R3HDM2: variants seen among roughly 807,000 people sequenced by gnomAD.
R3HDM2 encodes R3H domain-containing protein 2.
R3HDM2 carries 38 observed loss-of-function variants against 124.5 expected under a neutral mutation model. That is an observed-to-expected ratio of 0.31 (90% CI 0.24 to 0.40). The LOEUF (loss-of-function observed/expected upper bound fraction) is 0.40. Among genes scored for constraint, R3HDM2 ranks in the 10% least tolerant of loss-of-function variants. R3HDM2 has a pLI of 1.00. For synonymous variants in R3HDM2, 391 were observed against 448.0 expected, an observed-to-expected ratio of 0.87 and a Z score of 1.61; for missense variants, 869 against 1,236.9, an observed-to-expected ratio of 0.70 and a Z score of 4.46.
At chr12:57,406,303 A>G (rs2068517654) in intron 1 of R3HDM2, among the ~76,000 whole-genome samples, 1 of 150,938 alleles carries the variant, frequency 6.6e-6, no homozygotes, top group Non-Finnish European at 1.5e-5. Flanking sequence ...CCTGGGCAAC[A>G]AGAGCGAAAC....
intron 21 of R3HDM2, among the ~76,000 whole-genome samples, chr12:57,256,940 C>T (rs756284459): frequency 3.4e-4 from 51 of 152,002 alleles, no homozygotes; most frequent in Non-Finnish European, 5.4e-4. Context: ...TTCAGCCTCC[C>T]GAGTAGCTGG....
chr12:57,354,289 G>A lies in R3HDM2; in HGVS notation c.-36+41460C>T, dbSNP rs141624205. On this transcript the variant is annotated intron_variant, in intron 2 of 23. Coordinates refer to ENST00000402412, the MANE Select transcript of R3HDM2 (RefSeq NM_001394031.1). ...GGTATGGCCAGACTTTTTGTTTGAT[G>A]GGTTTTTTTTCTTGTTGTTTTTGAG... is the stretch of plus-strand genomic sequence containing the variant. 1.6e-3 allele frequency among the ~76,000 whole-genome samples: 249 copies of A among 151,666 alleles called. 3 individuals carry two copies. Among genetic ancestry groups the A allele is most frequent in the African/African-American group, 5.6e-3 (233 of 41,374 alleles).
chr12:57,397,921 C>T (rs917074540), intron 1 of R3HDM2, among the ~76,000 whole-genome samples: 2 of 152,192 alleles, frequency 1.3e-5, no homozygotes, highest in African/African-American at 2.4e-5. Context: ...CAGTGGCTCA[C>T]GCCTATAATC....
intron 2 of R3HDM2, among the ~76,000 whole-genome samples, chr12:57,334,820 T>C (rs1409037827): frequency 1.3e-5 from 2 of 152,016 alleles, no homozygotes; most frequent in Non-Finnish European, 2.9e-5. Flanking sequence ...CATGCCTCAA[T>C]ATACGGAGAG....
intron 2 of R3HDM2, among the ~76,000 whole-genome samples, chr12:57,311,997 C>G (rs2054015451): frequency 6.6e-6 from 1 of 152,214 alleles, no homozygotes; most frequent in Non-Finnish European, 1.5e-5. Context: ...TGTTTAGCTA[C>G]AACAATAGTT....
chr12:57,259,672 T>C (rs915686958), intron 19 of R3HDM2, among the ~76,000 whole-genome samples: 1 of 152,156 alleles, frequency 6.6e-6, no homozygotes, highest in Non-Finnish European at 1.5e-5. Flanking sequence ...GGGGAAGCAG[T>C]AGGAGATGAG....
chr12:57,343,759 A>G lies in R3HDM2; in HGVS notation c.-35-33296T>C, dbSNP rs1165447288. Among the ~76,000 whole-genome samples the G allele has an allele frequency of 1.9e-4, 26 of 139,062 alleles. No homozygotes were observed. The Admixed American group carries it at 1.9e-3, about 10-fold the overall frequency. The allele number at this position is 139,062 out of a possible 152,430, so 91.2% of individuals were successfully genotyped here. The stretch of plus-strand genomic sequence containing the variant: ...GATAGACTCATGAAGGGTCTTACAA[A>G]AGGTTAAAAAAAAAAAAAAAAAAAA... On this transcript the variant is annotated intron_variant, in intron 2 of 23. Transcript: ENST00000402412.
At chr12:57,358,094 T>G (rs977646571) in intron 2 of R3HDM2, among the ~76,000 whole-genome samples, 1 of 151,804 alleles carries the variant, frequency 6.6e-6, no homozygotes, top group African/African-American at 2.4e-5. Context: ...TTCTCCTGCC[T>G]CAGCTTCCCA....
At chr12:57,270,062 A>G in intron 14 of R3HDM2, 68 bp from the exon 15 acceptor site, 1 of 1,565,654 alleles carries the variant, frequency 6.4e-7, no homozygotes, top group Non-Finnish European at 8.7e-7. Context: ...TTCAACATAG[A>G]CAGAGAGAAA....
At chr12:57,313,887 A>G (rs2054475473) in intron 2 of R3HDM2, among the ~76,000 whole-genome samples, 1 of 148,704 alleles carries the variant, frequency 6.7e-6, no homozygotes, top group African/African-American at 2.5e-5. Context: ...TCTCTGAAAA[A>G]AAAAAAAAAA....
intron 2 of R3HDM2, among the ~76,000 whole-genome samples, chr12:57,338,070 G>C (rs1286106795): frequency 1.3e-5 from 2 of 152,220 alleles, no homozygotes; most frequent in Non-Finnish European, 2.9e-5. Context: ...TTGTGAGGCT[G>C]AGATGGGCGG....
At chr12:57,362,221 G>A (rs1037659207) in intron 2 of R3HDM2, among the ~76,000 whole-genome samples, 4 of 151,994 alleles carry the variant, frequency 2.6e-5, no homozygotes, top group Non-Finnish European at 4.4e-5. Flanking sequence ...CCCTCCTCCC[G>A]TCTTCCATCC....
chr12:57,285,948 T>A (rs937096366), intron 12 of R3HDM2, among the ~76,000 whole-genome samples: 10 of 152,154 alleles, frequency 6.6e-5, no homozygotes, highest in Admixed American at 6.5e-4. Context: ...GACCAAACAC[T>A]CAAAATGTAG....
At chr12:57,313,941 C>T (rs1023776444) in intron 2 of R3HDM2, among the ~76,000 whole-genome samples, 2 of 150,118 alleles carry the variant, frequency 1.3e-5, no homozygotes, top group Admixed American at 6.7e-5. Context: ...GCAATCCCAG[C>T]ACTTTGGGAG....
At chr12:57,300,228 A>G (rs762162974) in intron 4 of R3HDM2, 47 bp from the exon 5 acceptor site, 16 of 1,448,878 alleles carry the variant, frequency 1.1e-5, no homozygotes, top group Admixed American at 2.0e-5. Flanking sequence ...TGTATCTTAT[A>G]TATTTCTTCC....
chr12:57,273,687 C>T (rs1168141721), intron 14 of R3HDM2, among the ~76,000 whole-genome samples: 1 of 152,206 alleles, frequency 6.6e-6, no homozygotes, highest in East Asian at 1.9e-4. Context: ...CCACCCCACT[C>T]TAGTAGTGGA....
At chr12:57,382,894 G>C (rs2065114550) in intron 2 of R3HDM2, among the ~76,000 whole-genome samples, 1 of 152,094 alleles carries the variant, frequency 6.6e-6, no homozygotes, top group African/African-American at 2.4e-5. Context: ...TATTGAGACG[G>C]AGTCTCGCTC....
intron 10 of R3HDM2, among the ~76,000 whole-genome samples, chr12:57,294,650 T>C (rs1297397953): frequency 6.6e-6 from 1 of 152,156 alleles, no homozygotes; most frequent in Non-Finnish European, 1.5e-5. Flanking sequence ...ATCGAATCCC[T>C]TTTGGAGGCC....
chr12:57,273,226 C>G (rs554438399), intron 14 of R3HDM2, among the ~76,000 whole-genome samples: 1 of 152,172 alleles, frequency 6.6e-6, no homozygotes, highest in Non-Finnish European at 1.5e-5. Context: ...CTCCACCCCC[C>G]AAGCAAACAG....
Sources: gnomAD v4.1 joint callset for allele counts (sites outside exome capture counted in the v4.1 genomes callset) on GRCh38, gnomAD v4.1.1 for gene constraint, MANE v1.5 for transcripts, NCBI Gene and HGNC (gene_info 2026-07-23, HGNC 2026-07-21) for gene names.